The following RPL11 variants were observed in gnomAD, a reference collection of about 807,000 sequenced individuals.
The protein encoded by RPL11 is large ribosomal subunit protein uL5.
Under a neutral mutation model 24.1 loss-of-function variants are expected in RPL11, and 3 were observed. That is an observed-to-expected ratio of 0.12 (90% CI 0.06 to 0.32). RPL11 has a LOEUF of 0.32. Ranked by LOEUF, RPL11 falls within the 10% of genes least tolerant of loss-of-function variation. RPL11 has a pLI of 1.00. For synonymous variants in RPL11, 96 were observed against 75.7 expected (o/e 1.27, Z -1.39); for missense variants, 146 against 225.7 (o/e 0.65, Z 2.26).
chr1:23,696,785 G>A lies in RPL11; in HGVS notation c.*412G>A. On this transcript the variant is annotated 3_prime_UTR_variant, in exon 6 of 6. Transcript: ENST00000643754. Reference sequence around the variant, plus strand: ...TTATCAGCATTGATGCGTCATGAAGGAATGACAGGCTTTGGTGTGATGGTT... The same window carrying A: ...TTATCAGCATTGATGCGTCATGAAGAAATGACAGGCTTTGGTGTGATGGTT... 1 of 268,736 alleles carries A rather than the reference G, an allele frequency of 3.7e-6. No homozygotes were observed. The highest frequency in any genetic ancestry group is 7.2e-6 in the Non-Finnish European group (1 of 138,518). The allele number at this position is 268,736 out of a possible 1,614,324, so 16.6% of individuals were successfully genotyped here.
chr1:23,691,844 C>G lies in RPL11; in HGVS notation c.6+15C>G, dbSNP rs753341830. 3.7e-6 allele frequency: 6 copies of G among 1,614,114 alleles called. No homozygotes were observed. The East Asian group carries it at 1.1e-4, about 30-fold the overall frequency. ...CCATCATGGCGGTGAGTAGCTGGGA[C>G]CTGGATTTGCTTTCCTTTATCCGTC... On this transcript the variant is annotated intron_variant, in intron 1 of 5. Coordinates refer to ENST00000643754, the MANE Select transcript of RPL11 (RefSeq NM_000975.5).
intron 2 of RPL11, among the ~76,000 whole-genome samples, chr1:23,693,331 G>A (rs1043115139): frequency 6.6e-6 from 1 of 152,176 alleles, no homozygotes; most frequent in African/African-American, 2.4e-5. Flanking sequence ...AGTTGCTTTA[G>A]GACAGTGAAA....
At chr1:23,695,631 G>A in intron 4 of RPL11, 167 bp from the exon 5 acceptor site, 1 of 691,648 alleles carries the variant, frequency 1.4e-6, no homozygotes, top group Non-Finnish European at 2.6e-6. Flanking sequence ...GCTGTGTGTT[G>A]CGTGGGATGC....
chr1:23,696,779 A>G lies in RPL11; in HGVS notation c.*406A>G, dbSNP rs1400884879. 3 of 280,896 alleles carry G rather than the reference A, an allele frequency of 1.1e-5. No individual in the cohort carries two copies. Among genetic ancestry groups the G allele is most frequent in the East Asian group, 1.8e-4 (2 of 11,348 alleles). The allele number at this position is 280,896 out of a possible 1,614,324, so 17.4% of individuals were successfully genotyped here. On this transcript the variant is annotated 3_prime_UTR_variant, in exon 6 of 6. Coordinates refer to ENST00000643754, the MANE Select transcript of RPL11 (RefSeq NM_000975.5). ...GAAATTTTATCAGCATTGATGCGTC[A>G]TGAAGGAATGACAGGCTTTGGTGTG...
chr1:23,695,621 G>T, intron 4 of RPL11, 177 bp from the exon 5 acceptor site: 1 of 669,012 alleles, frequency 1.5e-6, no homozygotes, highest in Non-Finnish European at 2.7e-6. Context: ...TTACAGTATG[G>T]CTGTGTGTTG....
In RPL11 at chr1:23,696,738, ATTCTGT is replaced by A. The variant is rs1318974411; in HGVS notation, c.*367_*372del. ...CCAGGAGGCCCCCTGCTATTCAGTG[ATTCTGT>A]TCTGTACTAGAAATTTTATCAGCAT... On this transcript the variant is annotated 3_prime_UTR_variant, in exon 6 of 6. Transcript: ENST00000643754. The A allele has an allele frequency of 2.7e-6, 1 of 373,262 alleles. No homozygotes were observed. The highest frequency in any genetic ancestry group is 5.1e-6 in the Non-Finnish European group (1 of 197,656). The allele number at this position is 373,262 out of a possible 1,614,324, so 23.1% of individuals were successfully genotyped here.
Position 23,691,833 on chromosome 1 carries a change from A to G in RPL11, c.6+4A>G. Reference sequence around the variant, plus strand: ...CTTCCTGCTCTCCATCATGGCGGTGAGTAGCTGGGACCTGGATTTGCTTTC... The same window carrying G: ...CTTCCTGCTCTCCATCATGGCGGTGGGTAGCTGGGACCTGGATTTGCTTTC... On this transcript the variant is annotated splice_donor_region_variant and intron_variant, in intron 1 of 5. Transcript: ENST00000643754. 6.2e-7 allele frequency: 1 copy of G among 1,614,210 alleles called. No individual in the cohort carries two copies. Among genetic ancestry groups the G allele is most frequent in the Non-Finnish European group, 8.5e-7 (1 of 1,180,026 alleles).
intron 2 of RPL11, 129 bp downstream of exon 2, chr1:23,692,888 G>A: frequency 1.8e-6 from 2 of 1,129,412 alleles, no homozygotes; most frequent in Non-Finnish European, 2.5e-6. Flanking sequence ...TCATGAGCCG[G>A]CCAAGAGGTG....
chr1:23,696,037 A>G, intron 5 of RPL11, 129 bp downstream of exon 5: 1 of 963,712 alleles, frequency 1.0e-6, no homozygotes, highest in African/African-American at 1.6e-5. Context: ...GGGCATCTTG[A>G]CAAATCAGGG....
At chr1:23,694,989 C>G (rs1410917273) in intron 4 of RPL11, 198 bp downstream of exon 4, 9 of 769,572 alleles carry the variant, frequency 1.2e-5, no homozygotes, top group Non-Finnish European at 1.9e-5. Context: ...GGACAAGATC[C>G]CTGCTGTTGG....
intron 4 of RPL11, 142 bp downstream of exon 4, chr1:23,694,933 TG>T: frequency 7.5e-7 from 1 of 1,329,788 alleles, no homozygotes; most frequent in Non-Finnish European, 1.1e-6. Flanking sequence ...CTTGGGGAAA[TG>T]TGCCTCATTT....
intron 2 of RPL11, 64 bp downstream of exon 2, chr1:23,692,823 C>T (rs753497122): frequency 1.2e-5 from 19 of 1,601,302 alleles, no homozygotes; most frequent in Admixed American, 5.0e-5. Flanking sequence ...TCTTGATTTA[C>T]CTGCTGTCGA....
At chr1:23,692,900 CT>C (rs549467222) in intron 2 of RPL11, 141 bp downstream of exon 2, 193,769 of 628,720 alleles carry the variant, frequency 0.31, 3,807 homozygotes, top group Middle Eastern at 0.36. Flanking sequence ...CAAGAGGTGT[CT>C]TTTTTTTTTT....
At position 23,696,626 on chromosome 1, in the gene RPL11, A is replaced by G. The variant is rs953944450; in HGVS notation, c.*253A>G. Reference sequence around the variant, plus strand: ...CACCTTGGTTGATGTGCTGTGGTGCAGTAGCCCCATTTGGAGGGGAGGGTT... The same window carrying G: ...CACCTTGGTTGATGTGCTGTGGTGCGGTAGCCCCATTTGGAGGGGAGGGTT... On this transcript the variant is annotated 3_prime_UTR_variant, in exon 6 of 6. Coordinates refer to ENST00000643754, the MANE Select transcript of RPL11 (RefSeq NM_000975.5). The G allele has an allele frequency of 1.9e-5, 11 of 575,884 alleles. No homozygotes were observed. The highest frequency in any genetic ancestry group is 4.7e-4 in the Middle Eastern group (1 of 2,148). The allele number at this position is 575,884 out of a possible 1,614,324, so 35.7% of individuals were successfully genotyped here. A position where few individuals can be genotyped will look rare whatever the true frequency, so the allele number is the denominator to read the frequency against.
Position 23,692,765 on chromosome 1 carries a change from T to A in RPL11, c.157+6T>A, listed in dbSNP as rs1046439780. The A allele has an allele frequency of 1.9e-6, 3 of 1,612,988 alleles. No homozygotes were observed. On this transcript the variant is annotated splice_donor_region_variant and intron_variant, in intron 2 of 5. Coordinates refer to ENST00000643754, the MANE Select transcript of RPL11 (RefSeq NM_000975.5). Reference sequence around the variant, plus strand: ...GACCCCTGTGTTTTCCAAAGGTGAGTAGTCACAAGGACATACAGGGTTTGC... The same window carrying A: ...GACCCCTGTGTTTTCCAAAGGTGAGAAGTCACAAGGACATACAGGGTTTGC...
Position 23,691,843 on chromosome 1 carries a change from A to G in RPL11, c.6+14A>G, listed in dbSNP as rs376826360. The G allele has an allele frequency of 5.0e-6, 8 of 1,613,994 alleles. No individual in the cohort carries two copies. In the Admixed American group the frequency reaches 8.3e-5, roughly 17 times the overall value. On this transcript the variant is annotated intron_variant, in intron 1 of 5. Transcript: ENST00000643754. ...TCCATCATGGCGGTGAGTAGCTGGG[A>G]CCTGGATTTGCTTTCCTTTATCCGT... is the stretch of plus-strand genomic sequence containing the variant.
intron 4 of RPL11, chr1:23,695,575 A>T: frequency 1.7e-6 from 1 of 581,986 alleles, no homozygotes; most frequent in Non-Finnish European, 3.1e-6. Context: ...AGGCTGGGTT[A>T]GGGGGGTGCT....
chr1:23,692,047 T>G (rs1570565990), intron 1 of RPL11: 1 of 643,902 alleles, frequency 1.6e-6, no homozygotes, highest in East Asian at 2.7e-5. Flanking sequence ...TTGCCCGGAG[T>G]GCTCAGAAGC....
At chr1:23,694,822 G>A (rs780742884) in intron 4 of RPL11, 31 bp downstream of exon 4, 17 of 1,614,048 alleles carry the variant, frequency 1.1e-5, no homozygotes, top group Non-Finnish European at 1.4e-5. Flanking sequence ...CCCGCTCCTG[G>A]TCTGTGAGGA....
Sources: gnomAD v4.1 joint callset for allele counts (sites outside exome capture counted in the v4.1 genomes callset) on GRCh38, gnomAD v4.1.1 for gene constraint, MANE v1.5 for transcripts, NCBI Gene and HGNC (gene_info 2026-07-23, HGNC 2026-07-21) for gene names.